CHD7: variants seen among roughly 807,000 people sequenced by gnomAD.
CHD7 encodes the protein chromodomain helicase DNA binding protein 7.
A neutral mutation model predicts 307.3 loss-of-function variants in CHD7; 24 were observed. That is an observed-to-expected ratio of 0.08 (90% CI 0.06 to 0.11). The LOEUF (loss-of-function observed/expected upper bound fraction) is 0.11, where lower values mean the gene tolerates loss of function less well. Among genes scored for constraint, CHD7 ranks in the 10% least tolerant of loss-of-function variants. The probability of loss-of-function intolerance (pLI) is 1.00; values close to 1 mark genes in which losing one functional copy is unlikely to be tolerated. For synonymous variants in CHD7, 1,363 were observed against 1,349.9 expected (o/e 1.01, Z -0.21); for missense variants, 3,106 against 3,727.1 (o/e 0.83, Z 4.34).
rs1316886473 is a variant in CHD7 at position 60,696,541 on chromosome 8, G to A, written c.-175+17459G>A. Among the ~76,000 whole-genome samples the A allele has an allele frequency of 2.6e-5, 4 of 152,062 alleles. No homozygotes were observed. In the East Asian group the frequency reaches 7.7e-4, roughly 29 times the overall value. On this transcript the variant is annotated intron_variant, in intron 1 of 37. Coordinates refer to ENST00000423902, the MANE Select transcript of CHD7 (RefSeq NM_017780.4). ...CAGGCTTATGTGGATTAATGCAACA[G>A]TGCATCTAAAATGCTCCAGCAGTGC...
At chr8:60,858,424 G>T (rs1805814785) in intron 34 of CHD7, among the ~76,000 whole-genome samples, 2 of 152,176 alleles carry the variant, frequency 1.3e-5, no homozygotes, top group African/African-American at 4.8e-5. Flanking sequence ...ATTTCTAGGG[G>T]TATGGCCCTC....
Position 60,736,796 on chromosome 8 carries a change from T to C in CHD7, c.-174-4463T>C, listed in dbSNP as rs371183940. 1.3e-5 allele frequency among the ~76,000 whole-genome samples: 2 copies of C among 152,248 alleles called. 1 individual carries two copies. The highest frequency in any genetic ancestry group is 4.1e-4 in the South Asian group (2 of 4,832). Reference sequence around the variant, plus strand: ...CAAATAGTGTTTGAGCTATAGGAGATACTTTGCATGTGAAAGGTGTTACGT... The same window carrying C: ...CAAATAGTGTTTGAGCTATAGGAGACACTTTGCATGTGAAAGGTGTTACGT... On this transcript the variant is annotated intron_variant, in intron 1 of 37. Coordinates refer to ENST00000423902, the MANE Select transcript of CHD7 (RefSeq NM_017780.4).
intron 19 of CHD7, among the ~76,000 whole-genome samples, chr8:60,839,696 T>C (rs568828604): frequency 1.3e-5 from 2 of 152,362 alleles, no homozygotes; most frequent in South Asian, 2.1e-4. Flanking sequence ...TCTGATGATA[T>C]TGAGCATCTT....
At chr8:60,836,725 T>C in intron 16 of CHD7, 92 bp from the exon 17 acceptor site, 1 of 884,970 alleles carries the variant, frequency 1.1e-6, no homozygotes, top group South Asian at 1.7e-5. Flanking sequence ...TTTTAATATA[T>C]ATTCCATATT....
chr8:60,822,414 G>C, intron 11 of CHD7, 89 bp from the exon 12 acceptor site: 1 of 1,264,106 alleles, frequency 7.9e-7, no homozygotes, highest in Non-Finnish European at 1.1e-6. Context: ...GTATGCATTT[G>C]TGGGTACAAT....
chr8:60,862,738 T>G, intron 37 of CHD7, 86 bp downstream of exon 37: 1 of 892,312 alleles, frequency 1.1e-6, no homozygotes, highest in Non-Finnish European at 1.8e-6. Flanking sequence ...TGGCCATTAA[T>G]TATTCAGTTG....
chr8:60,777,863 T>C (rs1166527971), intron 2 of CHD7, among the ~76,000 whole-genome samples: 1 of 152,206 alleles, frequency 6.6e-6, no homozygotes, highest in African/African-American at 2.4e-5. Context: ...TATGGAATTA[T>C]AGTAGAATAT....
chr8:60,856,670 A>C lies in CHD7; in HGVS notation c.7390A>C (p.Lys2464Gln). 1 of 1,614,044 alleles carries C rather than the reference A, an allele frequency of 6.2e-7. No individual in the cohort carries two copies. Among genetic ancestry groups the C allele is most frequent in the Non-Finnish European group, 8.5e-7 (1 of 1,179,900 alleles). ...CTCAAATTTTTCATCTCTTTCTTCA[A>C]AGTTTATCTTGCCTAATGTCTCAAC... Reference protein sequence around the residue: ...STSNFSSLSSKFILPNVSTPV... With the variant: ...STSNFSSLSSQFILPNVSTPV... Residue 2464 changes from lysine to glutamine, a missense_variant, in exon 34 of 38, where the codon AAG becomes CAG. Lys to Gln is a moderately conservative substitution (Grantham distance 53). This residue lies in a region of CHD7 where 1,030 missense variants were observed against 1,165.4 expected (regional missense o/e 0.88). Transcript: ENST00000423902.
chr8:60,844,954 G>C lies in CHD7; in HGVS notation c.4941G>C (p.Leu1647=). The part of the protein sequence containing the change: ...QDVETICRTI[L]VYCLNHYKGD... ...TAGAAACCATCTGCAGAACCATCCT[G>C]GTGTACTGTCTTAATCATTACAAAG... Residue 1647 remains leucine, a synonymous_variant, in exon 22 of 38, where the codon CTG becomes CTC. Coordinates refer to ENST00000423902, the MANE Select transcript of CHD7 (RefSeq NM_017780.4). The C allele has an allele frequency of 6.2e-7, 1 of 1,613,872 alleles. No individual in the cohort carries two copies. The highest frequency in any genetic ancestry group is 8.5e-7 in the Non-Finnish European group (1 of 1,179,822).
In CHD7 at chr8:60,830,307, A is replaced by T; in HGVS notation, c.3523-15A>T. ...CAAATCATGACACTAGTATTTACTT[A>T]AGGTCCTTTTTTAGGTGCAAAAACT... On this transcript the variant is annotated splice_polypyrimidine_tract_variant and intron_variant, in intron 14 of 37. Transcript: ENST00000423902. 6.2e-7 allele frequency: 1 copy of T among 1,606,536 alleles called. No homozygotes were observed. The highest frequency in any genetic ancestry group is 8.5e-7 in the Non-Finnish European group (1 of 1,176,822).
chr8:60,715,616 G>T (rs1275202873), intron 1 of CHD7, among the ~76,000 whole-genome samples: 2 of 152,058 alleles, frequency 1.3e-5, no homozygotes, highest in Non-Finnish European at 2.9e-5. Flanking sequence ...ACCGCGCCCA[G>T]CCCCTTCCTC....
At chr8:60,724,092 T>A (rs968753962) in intron 1 of CHD7, among the ~76,000 whole-genome samples, 1 of 152,208 alleles carries the variant, frequency 6.6e-6, no homozygotes, top group Non-Finnish European at 1.5e-5. Context: ...TCATGTTCAA[T>A]GATTCAGAGA....
chr8:60,724,057 G>T (rs1486252638), intron 1 of CHD7, among the ~76,000 whole-genome samples: 1 of 152,152 alleles, frequency 6.6e-6, no homozygotes, highest in Admixed American at 6.5e-5. Flanking sequence ...TAAGTAGTTG[G>T]CTTAGGTCTC....
At chr8:60,684,020 T>G (rs1443759841) in intron 1 of CHD7, among the ~76,000 whole-genome samples, 1 of 152,208 alleles carries the variant, frequency 6.6e-6, no homozygotes, top group Non-Finnish European at 1.5e-5. Context: ...CATAGCTAGA[T>G]TCCTGTTGCA....
Position 60,853,199 on chromosome 8 carries a change from A to G in CHD7, c.6474A>G (p.Ser2158=), listed in dbSNP as rs771231143. ...TTGTCCAGACTCCTCCAGTCATCTC[A>G]TCTGCTCATATTCAAGATGAGAGGG... ...VGFVQTPPVI[S]SAHIQDERVL... is the part of the protein sequence containing the mutation. The change falls in exon 31 of 38, where the codon TCA becomes TCG. Residue 2158 remains serine, a synonymous_variant. Coordinates refer to ENST00000423902, the MANE Select transcript of CHD7 (RefSeq NM_017780.4). The G allele has an allele frequency of 6.2e-7, 1 of 1,613,918 alleles. No homozygotes were observed. The highest frequency in any genetic ancestry group is 1.1e-5 in the South Asian group (1 of 91,070).
chr8:60,808,454 A>G (rs755133418), intron 7 of CHD7, among the ~76,000 whole-genome samples, 182 bp downstream of exon 7: 1 of 152,204 alleles, frequency 6.6e-6, no homozygotes, highest in Non-Finnish European at 1.5e-5. Flanking sequence ...TTTCTGGAAA[A>G]TGTGTAATTG....
chr8:60,680,376 C>A (rs1360157477), intron 1 of CHD7, among the ~76,000 whole-genome samples: 2 of 87,098 alleles, frequency 2.3e-5, no homozygotes, highest in Non-Finnish European at 4.2e-5. Flanking sequence ...GCGGGCGCGG[C>A]GGCGCGGGGC....
chr8:60,683,222 C>T (rs913161102), intron 1 of CHD7, among the ~76,000 whole-genome samples: 6 of 152,044 alleles, frequency 3.9e-5, no homozygotes, highest in Non-Finnish European at 8.8e-5. Context: ...ATTATTTAGT[C>T]TTTAAAAAAA....
At position 60,836,049 on chromosome 8, in the gene CHD7, C is replaced by T. The variant is rs774316049; in HGVS notation, c.3779-24C>T. 56 of 1,555,580 alleles carry T rather than the reference C, an allele frequency of 3.6e-5. 1 individual carries two copies. In the South Asian group the frequency reaches 5.4e-4, roughly 15 times the overall value. ...TAATAAAAACCTTTTACAGTATTCA[C>T]GTTATGCTGTCCAATCTCTGCAGGT... On this transcript the variant is annotated intron_variant, in intron 15 of 37. Transcript: ENST00000423902.
Sources: allele counts gnomAD v4.1 joint callset (sites outside exome capture counted in the v4.1 genomes callset), GRCh38; gene constraint gnomAD v4.1.1; regional missense constraint gnomAD v4.1.1; transcripts MANE v1.5; gene names NCBI Gene and HGNC (gene_info 2026-07-23, HGNC 2026-07-21).